TMEM45B: variants seen among roughly 807,000 people sequenced by gnomAD.
TMEM45B encodes transmembrane protein 45B.
In TMEM45B, 29 loss-of-function variants were observed where a neutral mutation model predicts 27.3. The observed-to-expected ratio is 1.06, with a 90% confidence interval of 0.79 to 1.45. The LOEUF is 1.45. Ranked by LOEUF, TMEM45B falls within the 40% of genes most tolerant of loss-of-function variation. The pLI is 0.00. For missense variants in TMEM45B, 348 were observed against 343.9 expected (o/e 1.01, Z -0.09); for synonymous variants, 143 against 134.7 (o/e 1.06, Z -0.43).
In TMEM45B at chr11:129,846,884, A is replaced by C. The variant is rs188428354; in HGVS notation, c.-8-5591A>C. 3.4e-3 allele frequency among the ~76,000 whole-genome samples: 515 copies of C among 152,348 alleles called. 2 individuals are homozygous for C. Among genetic ancestry groups the C allele is most frequent in the Non-Finnish European group, 6.1e-3 (412 of 68,030 alleles). On this transcript the variant is annotated intron_variant, in intron 1 of 5. Transcript: ENST00000281441. ...CACAGACAGTGCAATGTCCTGAAGC[A>C]GGAATGGAGTGTTCTCAGCCATTTA... is the stretch of plus-strand genomic sequence containing the variant.
chr11:129,858,908 T>C lies in TMEM45B; in HGVS notation c.*223T>C, dbSNP rs550356034. On this transcript the variant is annotated 3_prime_UTR_variant, in exon 6 of 6. Transcript: ENST00000281441. ...ACATACTATAAAGTCTGTGTTGGTA[T>C]AGTACCCTTCATAAGGAAAAATGAA... The C allele has an allele frequency of 1.5e-4, 45 of 294,146 alleles. 1 individual carries two copies. Among genetic ancestry groups the C allele is most frequent in the Admixed American group, 6.4e-4 (13 of 20,354 alleles). The allele number at this position is 294,146 out of a possible 1,614,324, so 18.2% of individuals were successfully genotyped here.
intron 1 of TMEM45B, among the ~76,000 whole-genome samples, chr11:129,852,242 T>C (rs773407927): frequency 2.0e-5 from 3 of 146,742 alleles, no homozygotes; most frequent in Non-Finnish European, 4.5e-5. Flanking sequence ...CATCCTTTTA[T>C]TTTACCCACA....
chr11:129,852,696 T>C, intron 2 of TMEM45B, 36 bp downstream of exon 2: 1 of 1,572,306 alleles, frequency 6.4e-7, no homozygotes, highest in South Asian at 1.1e-5. Context: ...GGGAATCTCC[T>C]CATCATACCC....
At chr11:129,836,222 A>T (rs1361353805) in intron 1 of TMEM45B, among the ~76,000 whole-genome samples, 1 of 152,102 alleles carries the variant, frequency 6.6e-6, no homozygotes, top group African/African-American at 2.4e-5. Context: ...TAAACTAGAA[A>T]TGTCTATGCT....
At position 129,854,675 on chromosome 11, in the gene TMEM45B, A is replaced by G; in HGVS notation, c.244A>G (p.Ile82Val). 6.2e-7 allele frequency: 1 copy of G among 1,614,238 alleles called. No homozygotes were observed. Among genetic ancestry groups the G allele is most frequent in the Non-Finnish European group, 8.5e-7 (1 of 1,180,042 alleles). Residue 82 changes from isoleucine (I) to valine (V), a missense_variant, in exon 3 of 6, where the codon ATA becomes GTA. By Grantham distance (29) the Ile-to-Val change is conservative. Coordinates refer to ENST00000281441, the MANE Select transcript of TMEM45B (RefSeq NM_138788.5). ...HLHLYHENHW[I>V]KLMNWQHSTM... The stretch of plus-strand genomic sequence containing the variant: ...GCACCTCTACCATGAGAACCACTGG[A>G]TAAAGTTAATGAATTGGCAGCACAG...
At position 129,855,966 on chromosome 11, in the gene TMEM45B, CT is replaced by C. The variant is rs577681206; in HGVS notation, c.570+75del. ...CACCGAGCGCATCCCAGAGAAATCC[CT>C]GACGAGAATATGGGGTCTGAAAATG... On this transcript the variant is annotated intron_variant, in intron 4 of 5. Transcript: ENST00000281441. 1.3e-3 allele frequency: 2,031 copies of C among 1,552,576 alleles called. 37 individuals carry two copies. The South Asian group carries it at 0.023, about 17-fold the overall frequency.
chr11:129,829,358 C>A (rs904504647), intron 1 of TMEM45B, among the ~76,000 whole-genome samples: 1 of 152,188 alleles, frequency 6.6e-6, no homozygotes, highest in Non-Finnish European at 1.5e-5. Flanking sequence ...TGGTTTCTAT[C>A]CTTTCCCTGA....
At chr11:129,821,642 G>C (rs1308723700) in intron 1 of TMEM45B, among the ~76,000 whole-genome samples, 2 of 152,060 alleles carry the variant, frequency 1.3e-5, no homozygotes, top group African/African-American at 4.8e-5. Context: ...GGTTTGGCTG[G>C]GTATGGGATA....
intron 1 of TMEM45B, among the ~76,000 whole-genome samples, chr11:129,840,741 T>G (rs1947679063): frequency 6.6e-6 from 1 of 151,614 alleles, no homozygotes; most frequent in African/African-American, 2.4e-5. Context: ...AAAAATTAGC[T>G]GGGCGTGGTG....
chr11:129,855,764 T>A lies in TMEM45B; in HGVS notation c.442T>A (p.Ser148Thr). ...GCCTCCGCTGGACCAGCACATCCAC[T>A]CACTCCTGCTGTATGCTCTGTTCGG... ...NRPPLDQHIH[S>T]LLLYALFGGC... The change falls in exon 4 of 6, where the codon TCA (serine) becomes ACA (threonine). Residue 148 changes from serine to threonine, a missense_variant. Coordinates refer to ENST00000281441, the MANE Select transcript of TMEM45B (RefSeq NM_138788.5). 1 of 1,614,104 alleles carries A rather than the reference T, an allele frequency of 6.2e-7. No individual in the cohort carries two copies. The highest frequency in any genetic ancestry group is 8.5e-7 in the Non-Finnish European group (1 of 1,180,010).
intron 1 of TMEM45B, among the ~76,000 whole-genome samples, chr11:129,818,904 TA>T (rs1406735529): frequency 6.6e-6 from 1 of 152,232 alleles, no homozygotes; most frequent in African/African-American, 2.4e-5. Context: ...ATTGGAGAAT[TA>T]CAGCTAAAAA....
chr11:129,818,568 C>T (rs1644220679), intron 1 of TMEM45B, among the ~76,000 whole-genome samples: 2 of 152,240 alleles, frequency 1.3e-5, no homozygotes, highest in Non-Finnish European at 2.9e-5. Flanking sequence ...AGAGCCAGAA[C>T]TCAAACCAAC....
chr11:129,821,676 C>T (rs777121784), intron 1 of TMEM45B, among the ~76,000 whole-genome samples: 4 of 152,116 alleles, frequency 2.6e-5, no homozygotes, highest in Non-Finnish European at 5.9e-5. Context: ...ATTTCCCGTA[C>T]GAATTTTGAA....
At chr11:129,818,943 C>T (rs1307954667) in intron 1 of TMEM45B, among the ~76,000 whole-genome samples, 1 of 152,230 alleles carries the variant, frequency 6.6e-6, no homozygotes, top group East Asian at 1.9e-4. Context: ...CTCCTTCTGT[C>T]ATGTGGTCCC....
intron 1 of TMEM45B, chr11:129,850,267 C>A (rs540571259): frequency 1.3e-5 from 2 of 152,146 alleles, no homozygotes; most frequent in African/African-American, 4.8e-5. Context: ...CGGGTTCAAG[C>A]GATTCTCCTG....
intron 1 of TMEM45B, among the ~76,000 whole-genome samples, chr11:129,832,172 C>T (rs1025395437): frequency 2.8e-4 from 42 of 151,152 alleles, no homozygotes; most frequent in African/African-American, 1.0e-3. Flanking sequence ...ATATCAAGAC[C>T]ATCCTAGCTA....
chr11:129,848,617 A>G (rs938828405), intron 1 of TMEM45B, among the ~76,000 whole-genome samples: 1 of 152,168 alleles, frequency 6.6e-6, no homozygotes. Context: ...CTGGTGCTAG[A>G]GGGACGGGCC....
At position 129,855,883 on chromosome 11, in the gene TMEM45B, G is replaced by A. The variant is rs771464054; in HGVS notation, c.561G>A (p.Trp187Ter). Reference sequence around the variant, plus strand: ...GTCTCATCATTCTTCAGGGAACCTGGTTCTGGCAGGTGATTTTCCACACCC... The same window carrying A: ...GTCTCATCATTCTTCAGGGAACCTGATTCTGGCAGGTGATTTTCCACACCC... Reference protein sequence around the residue: ...RTSLIILQGTWFWQIGFVLFP... With the variant: ...RTSLIILQGT Residue 187 changes from tryptophan (W) to a stop codon, truncating the protein, a stop_gained, in exon 4 of 6, where the codon TGG becomes TGA. Transcript: ENST00000281441. LOFTEE classifies it high-confidence loss of function. The A allele has an allele frequency of 2.1e-5, 34 of 1,613,946 alleles. No homozygotes were observed. The highest frequency in any genetic ancestry group is 2.7e-5 in the Non-Finnish European group (32 of 1,179,976).
At chr11:129,826,711 CTT>C (rs199652269) in intron 1 of TMEM45B, among the ~76,000 whole-genome samples, 9 of 135,412 alleles carry the variant, frequency 6.6e-5, no homozygotes, top group Admixed American at 1.5e-4. Context: ...ATTTGTTTTT[CTT>C]TTTTTTTTTT....
Sources: allele counts gnomAD v4.1 joint callset (sites outside exome capture counted in the v4.1 genomes callset), GRCh38; gene constraint gnomAD v4.1.1; transcripts MANE v1.5; gene names NCBI Gene and HGNC (gene_info 2026-07-23, HGNC 2026-07-21).